Variants in DLG1 observed in about 807,000 individuals in gnomAD.
DLG1 encodes the protein disks large homolog 1.
DLG1 carries 42 observed loss-of-function variants against 123.4 expected under a neutral mutation model. The ratio of observed to expected loss-of-function variants is 0.34; its 90% CI spans 0.27 to 0.44. The LOEUF (loss-of-function observed/expected upper bound fraction) is 0.44. Ranked by LOEUF, DLG1 falls within the 20% of genes least tolerant of loss-of-function variation. The probability of loss-of-function intolerance (pLI) is 1.00; values close to 1 mark genes in which losing one functional copy is unlikely to be tolerated. For missense variants in DLG1, 942 were observed against 1,082.6 expected, an observed-to-expected ratio of 0.87 and a Z score of 1.82; for synonymous variants, 317 against 356.2, an observed-to-expected ratio of 0.89 and a Z score of 1.24.
intron 3 of DLG1, among the ~76,000 whole-genome samples, chr3:197,287,339 T>C (rs1237728053): frequency 6.6e-6 from 1 of 152,208 alleles, no homozygotes; most frequent in African/African-American, 2.4e-5. Flanking sequence ...TCAAGATAAT[T>C]TTCAAATGCA....
intron 4 of DLG1, among the ~76,000 whole-genome samples, chr3:197,231,975 C>T (rs1743384283): frequency 8.5e-6 from 1 of 118,066 alleles, no homozygotes; most frequent in Non-Finnish European, 1.9e-5. Context: ...CTGTAAGATA[C>T]AAATCATACC....
At chr3:197,191,340 T>G (rs1384708549) in intron 5 of DLG1, among the ~76,000 whole-genome samples, 1 of 152,202 alleles carries the variant, frequency 6.6e-6, no homozygotes, top group Non-Finnish European at 1.5e-5. Context: ...GAACATTGTT[T>G]TATCTGCTTA....
intron 5 of DLG1, among the ~76,000 whole-genome samples, chr3:197,192,026 T>C (rs142771031): frequency 0.013 from 1,979 of 149,310 alleles, 40 homozygotes; most frequent in Admixed American, 0.041. Flanking sequence ...ACAAAAAAAA[T>C]AGCCAAGCAT....
chr3:197,051,904 C>T (rs573145614), intron 23 of DLG1, among the ~76,000 whole-genome samples: 4 of 142,074 alleles, frequency 2.8e-5, no homozygotes, highest in South Asian at 4.5e-4. Context: ...TGCAGTGGCA[C>T]GATCTCAGCT....
intron 19 of DLG1, among the ~76,000 whole-genome samples, chr3:197,067,633 C>T (rs2148903042): frequency 6.9e-6 from 1 of 144,812 alleles, no homozygotes; most frequent in East Asian, 2.0e-4. Context: ...TCTCAGCTCA[C>T]TGCAGCCTCC....
chr3:197,056,297 G>A (rs930801674), intron 23 of DLG1, among the ~76,000 whole-genome samples: 2 of 152,120 alleles, frequency 1.3e-5, no homozygotes, highest in African/African-American at 4.8e-5. Flanking sequence ...CAGCAGTGTT[G>A]CATACCAGGA....
intron 5 of DLG1, among the ~76,000 whole-genome samples, chr3:197,176,207 T>A (rs578029224): frequency 3.3e-5 from 5 of 152,258 alleles, no homozygotes; most frequent in Admixed American, 6.5e-5. Flanking sequence ...TATATTTTTT[T>A]AGAGCAGTTT....
At chr3:197,196,190 A>T (rs1722430182) in intron 4 of DLG1, among the ~76,000 whole-genome samples, 1 of 151,580 alleles carries the variant, frequency 6.6e-6, no homozygotes, top group East Asian at 1.9e-4. Context: ...AAAAAAAAAA[A>T]AAAAAAGAAT....
intron 24 of DLG1, among the ~76,000 whole-genome samples, chr3:197,049,675 C>T (rs548967247): frequency 7.6e-6 from 1 of 132,160 alleles, no homozygotes; most frequent in Admixed American, 7.9e-5. Context: ...TCGCTTGAAC[C>T]CGGGAGGTTG....
At chr3:197,063,097 G>C (rs1373997534) in intron 22 of DLG1, among the ~76,000 whole-genome samples, 4 of 151,260 alleles carry the variant, frequency 2.6e-5, no homozygotes, top group African/African-American at 9.7e-5. Context: ...TTGTGTTAAA[G>C]AATCTCTGGG....
chr3:197,271,433 T>G (rs1197281087), intron 4 of DLG1, among the ~76,000 whole-genome samples: 1 of 152,192 alleles, frequency 6.6e-6, no homozygotes, highest in Admixed American at 6.5e-5. Flanking sequence ...TATACTATCT[T>G]CACACTTTCC....
chr3:197,074,997 G>C (rs1460492342), intron 18 of DLG1, among the ~76,000 whole-genome samples: 1 of 151,920 alleles, frequency 6.6e-6, no homozygotes, highest in Non-Finnish European at 1.5e-5. Context: ...GAAAATATTA[G>C]ATTAAAAGAT....
chr3:197,243,764 T>C lies in DLG1; in HGVS notation c.318+38915A>G, dbSNP rs141720983. On this transcript the variant is annotated intron_variant, in intron 4 of 24. Coordinates refer to ENST00000667157, the MANE Select transcript of DLG1 (RefSeq NM_001366207.1). ...ATATAATTTATCCAATCTACATTTT[T>C]ATTAATTGTTGACCACCAGAATAAC... Among the ~76,000 whole-genome samples, 1,445 of 152,338 alleles carry C rather than the reference T, an allele frequency of 9.5e-3. 21 individuals carry two copies. The highest frequency in any genetic ancestry group is 0.033 in the African/African-American group (1,364 of 41,566).
rs893687046 is a variant in DLG1 at position 197,208,765 on chromosome 3, A to G, written c.319-14176T>C. Among the ~76,000 whole-genome samples the G allele has an allele frequency of 8.9e-5, 13 of 146,098 alleles. 3 individuals carry two copies. The highest frequency in any genetic ancestry group is 8.3e-4 in the Admixed American group (12 of 14,498). Reference sequence around the variant, plus strand: ...CTTATATACGGAGAAACCAGGATGCATAGGAAACAGATAACTTTAGTTGCT... The same window carrying G: ...CTTATATACGGAGAAACCAGGATGCGTAGGAAACAGATAACTTTAGTTGCT... On this transcript the variant is annotated intron_variant, in intron 4 of 24. Transcript: ENST00000667157.
At chr3:197,111,862 T>A (rs534826299) in intron 13 of DLG1, among the ~76,000 whole-genome samples, 5 of 152,224 alleles carry the variant, frequency 3.3e-5, no homozygotes, top group African/African-American at 1.2e-4. Flanking sequence ...TGAGTAGTAT[T>A]ATATTGTGTA....
At chr3:197,247,134 C>T (rs948588724) in intron 4 of DLG1, among the ~76,000 whole-genome samples, 1 of 152,216 alleles carries the variant, frequency 6.6e-6, no homozygotes, top group Non-Finnish European at 1.5e-5. Flanking sequence ...GCTTCCTTCT[C>T]CAAGGGGCAC....
intron 4 of DLG1, among the ~76,000 whole-genome samples, chr3:197,206,058 A>C (rs993633629): frequency 1.3e-5 from 2 of 152,152 alleles, no homozygotes; most frequent in Non-Finnish European, 2.9e-5. Flanking sequence ...TTGTGACGTT[A>C]ATTTCCTTTT....
At chr3:197,050,323 C>T (rs528108285) in intron 24 of DLG1, among the ~76,000 whole-genome samples, 5 of 150,060 alleles carry the variant, frequency 3.3e-5, no homozygotes, top group East Asian at 4.0e-4. Context: ...GCCGAGATTG[C>T]GCCACTGCAC....
At chr3:197,220,508 G>T (rs751170330) in intron 4 of DLG1, among the ~76,000 whole-genome samples, 5 of 152,122 alleles carry the variant, frequency 3.3e-5, no homozygotes, top group Non-Finnish European at 7.4e-5. Context: ...AATGGATATA[G>T]GAGAACAATA....
Sources: allele counts gnomAD v4.1 joint callset (sites outside exome capture counted in the v4.1 genomes callset), GRCh38; gene constraint gnomAD v4.1.1; transcripts MANE v1.5; gene names NCBI Gene and HGNC (gene_info 2026-07-23, HGNC 2026-07-21).